The following TMC1 variants were observed in gnomAD, a reference collection of about 807,000 sequenced individuals.
TMC1 encodes transmembrane channel-like protein 1.
In TMC1, 84 loss-of-function variants were observed where a neutral mutation model predicts 105.8. The observed-to-expected ratio is 0.79, with a 90% confidence interval of 0.67 to 0.95. The LOEUF (loss-of-function observed/expected upper bound fraction) is 0.95. Ranked by LOEUF, TMC1 falls within the 40% of genes least tolerant of loss-of-function variation. The pLI, the probability that TMC1 is intolerant of heterozygous loss-of-function variation, is 0.00. For synonymous variants in TMC1, 315 were observed against 311.5 expected (o/e 1.01, Z -0.12); for missense variants, 817 against 914.1 (o/e 0.89, Z 1.37).
rs754390601 is a variant in TMC1, at chr9:72,772,451, T to C, written c.780T>C (p.Tyr260=). The change falls in exon 13 of 24, where the codon TAT becomes TAC. Residue 260 remains tyrosine, a synonymous_variant. Coordinates refer to ENST00000297784, the MANE Select transcript of TMC1 (RefSeq NM_138691.3). The part of the protein sequence containing the change: ...AQYSVLFYGY[Y]DNKRTIGWMN... ...ATTCCGTTCTCTTTTATGGCTATTATGACAATAAACGAACAATTGGATGGA... is the reference window on the plus strand; with the variant it reads ...ATTCCGTTCTCTTTTATGGCTATTACGACAATAAACGAACAATTGGATGGA... 9 of 1,613,866 alleles carry C rather than the reference T, an allele frequency of 5.6e-6. No homozygotes were observed. Among genetic ancestry groups the C allele is most frequent in the Admixed American group, 1.7e-5 (1 of 59,996 alleles).
At chr9:72,636,961 C>CA (rs1283526133) in intron 4 of TMC1, among the ~76,000 whole-genome samples, 2 of 151,538 alleles carry the variant, frequency 1.3e-5, no homozygotes, top group African/African-American at 4.8e-5. Flanking sequence ...GCAGCCTCCA[C>CA]AAAAAGAATT....
intron 1 of TMC1, among the ~76,000 whole-genome samples, chr9:72,564,905 G>A (rs969112238): frequency 9.2e-5 from 14 of 152,154 alleles, no homozygotes; most frequent in African/African-American, 3.4e-4. Flanking sequence ...TACCTCAAAT[G>A]ATTTCTGATT....
At chr9:72,674,113 A>G (rs954877840) in intron 5 of TMC1, among the ~76,000 whole-genome samples, 9 of 152,220 alleles carry the variant, frequency 5.9e-5, no homozygotes, top group Non-Finnish European at 8.8e-5. Flanking sequence ...GAAAACTATA[A>G]AACATTGCTG....
At chr9:72,603,992 A>G (rs1488170037) in intron 2 of TMC1, among the ~76,000 whole-genome samples, 2 of 149,796 alleles carry the variant, frequency 1.3e-5, no homozygotes, top group Non-Finnish European at 1.5e-5. Flanking sequence ...TCAGCCTCCC[A>G]GGTAGCTGAG....
intron 4 of TMC1, among the ~76,000 whole-genome samples, chr9:72,630,079 TG>T (rs1825422860): frequency 6.6e-6 from 1 of 152,094 alleles, no homozygotes; most frequent in African/African-American, 2.4e-5. Flanking sequence ...TTGGCCAGGC[TG>T]GTCTCGAACT....
intron 2 of TMC1, among the ~76,000 whole-genome samples, chr9:72,603,848 GTTTTTT>G (rs534608884): frequency 2.7e-5 from 2 of 74,004 alleles, no homozygotes; most frequent in African/African-American, 5.3e-5. Context: ...GCGACCGGCT[GTTTTTT>G]TTTTTTTTTT....
intron 17 of TMC1, among the ~76,000 whole-genome samples, chr9:72,792,771 G>A (rs954804063): frequency 6.6e-6 from 1 of 152,160 alleles, no homozygotes; most frequent in Non-Finnish European, 1.5e-5. Flanking sequence ...GGCCAAGACA[G>A]CCAACTAGAG....
intron 5 of TMC1, among the ~76,000 whole-genome samples, chr9:72,671,587 AAAAC>A (rs1378123810): frequency 6.6e-6 from 1 of 152,226 alleles, no homozygotes; most frequent in Non-Finnish European, 1.5e-5. Flanking sequence ...GAGGAAAGCA[AAAAC>A]AAAGAAGAGA....
chr9:72,826,857 TA>T lies in TMC1; in HGVS notation c.2004-10del. On this transcript the variant is annotated splice_polypyrimidine_tract_variant and intron_variant, in intron 20 of 23. Coordinates refer to ENST00000297784, the MANE Select transcript of TMC1 (RefSeq NM_138691.3). ...CTTAATAAACTTATCTCCCCCTTTT[TA>T]ATTCCCCCAGTGGCAAAAATAGAAT... 6.2e-7 allele frequency: 1 copy of T among 1,613,854 alleles called. No individual in the cohort carries two copies. Among genetic ancestry groups the T allele is most frequent in the Non-Finnish European group, 8.5e-7 (1 of 1,179,746 alleles).
chr9:72,661,985 G>A (rs977381372), intron 5 of TMC1, among the ~76,000 whole-genome samples: 1 of 152,046 alleles, frequency 6.6e-6, no homozygotes, highest in Non-Finnish European at 1.5e-5. Context: ...TAGACTCGAG[G>A]GATAGTTCAG....
chr9:72,703,122 T>A (rs1421961264), intron 8 of TMC1, among the ~76,000 whole-genome samples: 1 of 152,074 alleles, frequency 6.6e-6, no homozygotes, highest in African/African-American at 2.4e-5. Flanking sequence ...TTTTTAAAAA[T>A]TTAAATTACT....
At position 72,688,743 on chromosome 9, in the gene TMC1, T is replaced by C; in HGVS notation, c.51T>C (p.Thr17=). ...AAGTGGAGGAAAAAGAAGACGAGAC[T>C]GAGGAAAGCTCAAGTAAGTGGTGAT... ...QIKVEEKEDE[T]EESSSEEEEE... Residue 17 remains threonine (T), a synonymous_variant, in exon 6 of 24, where the codon ACT becomes ACC. Coordinates refer to ENST00000297784, the MANE Select transcript of TMC1 (RefSeq NM_138691.3). 1.2e-6 allele frequency: 2 copies of C among 1,611,864 alleles called. No homozygotes were observed. The highest frequency in any genetic ancestry group is 1.7e-6 in the Non-Finnish European group (2 of 1,178,594).
chr9:72,583,066 C>A (rs1013507147), intron 2 of TMC1, among the ~76,000 whole-genome samples: 1 of 151,864 alleles, frequency 6.6e-6, no homozygotes, highest in African/African-American at 2.4e-5. Context: ...ACTAAAAATA[C>A]AAAAAAATTA....
intron 18 of TMC1, among the ~76,000 whole-genome samples, chr9:72,806,516 C>T (rs1467195258): frequency 4.0e-5 from 6 of 149,500 alleles, no homozygotes; most frequent in South Asian, 2.1e-4. Flanking sequence ...GGGCGGCTGC[C>T]GGGCGGAGGG....
intron 18 of TMC1, among the ~76,000 whole-genome samples, chr9:72,806,217 A>T (rs1405391556): frequency 9.4e-6 from 1 of 106,714 alleles, no homozygotes; most frequent in Non-Finnish European, 2.1e-5. Flanking sequence ...CTGGCCGGGC[A>T]GGGGGCTGAC....
At chr9:72,693,372 G>A (rs991843546) in intron 6 of TMC1, among the ~76,000 whole-genome samples, 2 of 152,158 alleles carry the variant, frequency 1.3e-5, no homozygotes, top group African/African-American at 4.8e-5. Context: ...TACATTTATA[G>A]ATAATAAATA....
chr9:72,600,585 G>A (rs1173839679), intron 2 of TMC1, among the ~76,000 whole-genome samples: 1 of 151,722 alleles, frequency 6.6e-6, no homozygotes, highest in African/African-American at 2.4e-5. Flanking sequence ...AAAATAAGAT[G>A]GTAAGAGTTA....
At chr9:72,780,806 C>A (rs72733073) in intron 13 of TMC1, among the ~76,000 whole-genome samples, 1 of 152,246 alleles carries the variant, frequency 6.6e-6, no homozygotes, top group Non-Finnish European at 1.5e-5. Flanking sequence ...CACTGGAACA[C>A]CCAGGTTCAT....
chr9:72,704,695 A>G (rs574859977), intron 8 of TMC1, among the ~76,000 whole-genome samples: 2 of 152,182 alleles, frequency 1.3e-5, no homozygotes, highest in South Asian at 2.1e-4. Flanking sequence ...TTTTCATTCT[A>G]TGTTTTATTG....
Sources: allele counts gnomAD v4.1 joint callset (sites outside exome capture counted in the v4.1 genomes callset), GRCh38; gene constraint gnomAD v4.1.1; transcripts MANE v1.5; gene names NCBI Gene and HGNC (gene_info 2026-07-23, HGNC 2026-07-21).